FAM171A1: variants seen among roughly 807,000 people sequenced by gnomAD.
FAM171A1 encodes family with sequence similarity 171 member A1, also known as protein FAM171A1.
A neutral mutation model predicts 74.9 loss-of-function variants in FAM171A1; 23 were observed. That is an observed-to-expected ratio of 0.31 (90% confidence interval 0.22 to 0.44). The LOEUF is 0.44. Ranked by LOEUF, FAM171A1 falls within the 20% of genes least tolerant of loss-of-function variation. The probability of loss-of-function intolerance (pLI) is 1.00; values close to 1 mark genes in which losing one functional copy is unlikely to be tolerated. For missense variants in FAM171A1, 1,162 were observed against 1,159.2 expected, an observed-to-expected ratio of 1.00 and a Z score of -0.03; for synonymous variants, 527 against 505.7, an observed-to-expected ratio of 1.04 and a Z score of -0.57.
rs1833930801 is a variant in FAM171A1 at position 15,213,961 on chromosome 10, G to A, written c.1627C>T (p.Arg543Ter). Residue 543 changes from arginine to a stop codon, truncating the protein, a stop_gained, in exon 8 of 8, where the codon CGA (arginine) becomes TGA (stop). Coordinates refer to ENST00000378116, the MANE Select transcript of FAM171A1 (RefSeq NM_001010924.2). LOFTEE classifies it high-confidence loss of function. This position sits in a 1 kb window ranked among gnomAD's most constrained non-coding sequence, Gnocchi z 6.8. ...GGTCTCTCGAGGTGATCTACTGATC[G>A]CGACATCATACATTCAGTGGGTCTG... is the stretch of plus-strand genomic sequence containing the variant. Reference protein sequence around the residue: ...DRRPTECMMSRSVDHLERPTS... With the variant: ...DRRPTECMMS 1 of 1,614,168 alleles carries A rather than the reference G, an allele frequency of 6.2e-7. No individual in the cohort carries two copies. Among genetic ancestry groups the A allele is most frequent in the South Asian group, 1.1e-5 (1 of 91,086 alleles).
chr10:15,350,404 C>T (rs557605738), intron 1 of FAM171A1, among the ~76,000 whole-genome samples: 2 of 152,052 alleles, frequency 1.3e-5, no homozygotes, highest in African/African-American at 4.8e-5. Context: ...GTGGCGTGAT[C>T]TCGGCTCACT....
At chr10:15,311,403 C>A (rs1346545466) in intron 1 of FAM171A1, among the ~76,000 whole-genome samples, 1 of 152,138 alleles carries the variant, frequency 6.6e-6, no homozygotes, top group African/African-American at 2.4e-5. Context: ...ATTTTTGACC[C>A]ACTTGCTGCA....
chr10:15,249,087 T>C (rs1229293829), intron 4 of FAM171A1, among the ~76,000 whole-genome samples: 2 of 48,680 alleles, frequency 4.1e-5, no homozygotes, highest in African/African-American at 1.2e-4. Context: ...TAGGCTCAGG[T>C]TTTCTTTTTT....
intron 3 of FAM171A1, among the ~76,000 whole-genome samples, chr10:15,269,972 G>A (rs1217643700): frequency 1.3e-5 from 2 of 152,194 alleles, no homozygotes; most frequent in East Asian, 3.9e-4. Flanking sequence ...AGCTCCCAAG[G>A]TGAGCGATGC....
intron 3 of FAM171A1, among the ~76,000 whole-genome samples, chr10:15,275,249 G>C (rs918858210): frequency 6.6e-6 from 1 of 151,300 alleles, no homozygotes; most frequent in African/African-American, 2.4e-5. Flanking sequence ...CTTAAAGTAT[G>C]ATGTATAATT....
intron 1 of FAM171A1, among the ~76,000 whole-genome samples, chr10:15,311,003 C>A (rs1835353875): frequency 6.6e-6 from 1 of 152,108 alleles, no homozygotes; most frequent in Admixed American, 6.6e-5. Context: ...TCCAGGCCAG[C>A]ATGAGATACA....
chr10:15,257,012 A>G (rs556069702), intron 3 of FAM171A1, among the ~76,000 whole-genome samples: 3 of 152,300 alleles, frequency 2.0e-5, no homozygotes, highest in African/African-American at 4.8e-5. Flanking sequence ...TTTTCCGGCT[A>G]AATAATGCTG....
At chr10:15,371,385 C>T, upstream of FAM171A1, among the ~76,000 whole-genome samples, 1 of 147,038 alleles carries the variant, frequency 6.8e-6, no homozygotes, top group South Asian at 2.1e-4. Context: ...GAGGGCGCCC[C>T]CGCCCGGCGC....
At chr10:15,288,608 T>C (rs1194900068) in intron 1 of FAM171A1, among the ~76,000 whole-genome samples, 1 of 152,122 alleles carries the variant, frequency 6.6e-6, no homozygotes, top group Admixed American at 6.6e-5. Context: ...CAAAAACTGC[T>C]GAGATTTGAG....
intron 1 of FAM171A1, among the ~76,000 whole-genome samples, chr10:15,321,327 G>C (rs1035118850): frequency 6.6e-6 from 1 of 152,130 alleles, no homozygotes; most frequent in African/African-American, 2.4e-5. Flanking sequence ...ATGTTCAGGG[G>C]TCTTGAGAAA....
At chr10:15,270,220 A>G (rs1834805154) in intron 3 of FAM171A1, among the ~76,000 whole-genome samples, 1 of 152,118 alleles carries the variant, frequency 6.6e-6, no homozygotes, top group African/African-American at 2.4e-5. Flanking sequence ...ACGGCACACC[A>G]GGAGATTATA....
chr10:15,287,304 G>T (rs1176868044), intron 1 of FAM171A1, among the ~76,000 whole-genome samples: 1 of 151,480 alleles, frequency 6.6e-6, no homozygotes, highest in East Asian at 1.9e-4. Context: ...GTGTTAGCCA[G>T]GATGGTCTCC....
chr10:15,279,129 G>A (rs78221036), intron 2 of FAM171A1, among the ~76,000 whole-genome samples: 3,559 of 152,246 alleles, frequency 0.023, 118 homozygotes, highest in African/African-American at 0.067. Flanking sequence ...TCGGAGCTCC[G>A]AAATCACCTG....
intron 1 of FAM171A1, among the ~76,000 whole-genome samples, chr10:15,284,933 A>G (rs545417680): frequency 1.6e-5 from 2 of 128,218 alleles, no homozygotes; most frequent in African/African-American, 6.7e-5. Context: ...GAAAAAGAAT[A>G]AAAAAAAAAA....
intron 1 of FAM171A1, among the ~76,000 whole-genome samples, chr10:15,332,637 C>A (rs571179827): frequency 1.3e-5 from 2 of 152,304 alleles, no homozygotes; most frequent in African/African-American, 4.8e-5. Context: ...TTTATGCATA[C>A]ATGTAGCATT....
intron 5 of FAM171A1, among the ~76,000 whole-genome samples, chr10:15,236,555 G>C (rs975306927): frequency 6.6e-6 from 1 of 152,098 alleles, no homozygotes; most frequent in Non-Finnish European, 1.5e-5. Context: ...AGACCAAGCC[G>C]TCTCGGTGGC....
chr10:15,254,871 G>T lies in FAM171A1; in HGVS notation c.427C>A (p.Pro143Thr), dbSNP rs1456100210. 1 of 1,613,612 alleles carries T rather than the reference G, an allele frequency of 6.2e-7. No homozygotes were observed. Among genetic ancestry groups the T allele is most frequent in the Non-Finnish European group, 8.5e-7 (1 of 1,179,656 alleles). The change falls in exon 4 of 8, where the codon CCA becomes ACA. Residue 143 changes from proline to threonine, a missense_variant. Pro to Thr is a conservative substitution (Grantham distance 38). Coordinates refer to ENST00000378116, the MANE Select transcript of FAM171A1 (RefSeq NM_001010924.2). ...QIVSGFQGAR[P>T]QPRVHFQRRA... ...CTCTGGAAATGAACGCGAGGCTGTG[G>T]CCGGGCACCTGCAGAGATTAACCTC...
At chr10:15,358,927 C>T (rs1242416116) in intron 1 of FAM171A1, among the ~76,000 whole-genome samples, 2 of 152,208 alleles carry the variant, frequency 1.3e-5, no homozygotes, top group African/African-American at 2.4e-5. Context: ...CTGTCTCCTA[C>T]ATAACAGTAG....
chr10:15,229,527 C>CCACCATCA (rs1834158309), intron 5 of FAM171A1, among the ~76,000 whole-genome samples: 1 of 130,040 alleles, frequency 7.7e-6, no homozygotes, highest in African/African-American at 2.9e-5. Context: ...TGTCACCCCC[C>CCACCATCA]TCACCATCAT....
Sources: gnomAD v4.1 joint callset for allele counts (sites outside exome capture counted in the v4.1 genomes callset) on GRCh38, gnomAD v4.1.1 for gene constraint, Gnocchi (gnomAD v3.1) non-coding constraint, MANE v1.5 for transcripts, NCBI Gene and HGNC (gene_info 2026-07-23, HGNC 2026-07-21) for gene names.